Variants in ADGRV1 observed in about 807,000 individuals in gnomAD.
ADGRV1 encodes the protein adhesion G protein-coupled receptor V1.
A neutral mutation model predicts 596.2 loss-of-function variants in ADGRV1; 359 were observed. The ratio of observed to expected loss-of-function variants is 0.60; its 90% CI spans 0.55 to 0.66. The LOEUF (loss-of-function observed/expected upper bound fraction) is 0.66. Ranked by LOEUF, ADGRV1 falls within the 30% of genes least tolerant of loss-of-function variation. The pLI is 0.00. For synonymous variants in ADGRV1, 2,681 were observed against 2,679.2 expected (o/e 1.00, Z -0.02); for missense variants, 7,274 against 7,575.6 (o/e 0.96, Z 1.48).
At chr5:90,828,170 G>A (rs913153246) in intron 76 of ADGRV1, among the ~76,000 whole-genome samples, 2 of 152,092 alleles carry the variant, frequency 1.3e-5, no homozygotes, top group Admixed American at 6.6e-5. Context: ...GGTGAAACAT[G>A]AGCAAACTGT....
At chr5:90,646,460 C>T (rs1008050078) in intron 16 of ADGRV1, among the ~76,000 whole-genome samples, 2 of 151,456 alleles carry the variant, frequency 1.3e-5, no homozygotes, top group Non-Finnish European at 2.9e-5. Flanking sequence ...AATAAACAGT[C>T]TAGTTGGTTC....
chr5:90,953,187 A>G (rs1777191599), intron 83 of ADGRV1, among the ~76,000 whole-genome samples: 1 of 152,168 alleles, frequency 6.6e-6, no homozygotes, highest in Admixed American at 6.6e-5. Flanking sequence ...GCAGCAGAGA[A>G]TAGCAAAAAG....
Position 90,627,653 on chromosome 5 carries a change from T to C in ADGRV1, c.1115T>C (p.Val372Ala). 1 of 1,613,866 alleles carries C rather than the reference T, an allele frequency of 6.2e-7. No homozygotes were observed. Among genetic ancestry groups the C allele is most frequent in the South Asian group, 1.1e-5 (1 of 91,080 alleles). ...AAAGATACCTTACAGGGAGATGCTGTGCTAATAAGCCCTTCTGTTGTACAA... is the reference window on the plus strand; with the variant it reads ...AAAGATACCTTACAGGGAGATGCTGCGCTAATAAGCCCTTCTGTTGTACAA... ...LLKDTLQGDA[V>A]LISPSVVQVT... Residue 372 changes from valine (V) to alanine (A), a missense_variant, in exon 7 of 90, where the codon GTG becomes GCG. Physicochemically the swap from Val to Ala is moderately conservative, Grantham distance 64 (BLOSUM62 0). Transcript: ENST00000405460.
At chr5:90,862,239 CT>C (rs1335733524) in intron 82 of ADGRV1, among the ~76,000 whole-genome samples, 1 of 152,114 alleles carries the variant, frequency 6.6e-6, no homozygotes, top group African/African-American at 2.4e-5. Context: ...GCACTAATTC[CT>C]TGCCTCACAT....
At chr5:90,614,340 G>T (rs1379699038) in intron 1 of ADGRV1, 2 of 278,520 alleles carry the variant, frequency 7.2e-6, no homozygotes, top group East Asian at 1.1e-4. Flanking sequence ...CAATAACTAA[G>T]AATTTAAAAA....
intron 83 of ADGRV1, among the ~76,000 whole-genome samples, chr5:90,958,293 A>AG (rs1261587735): frequency 3.3e-5 from 5 of 150,096 alleles, no homozygotes; most frequent in South Asian, 2.1e-4. Flanking sequence ...CAAAAAAAAA[A>AG]AAAAAAAAAA....
rs373613781 is a variant in ADGRV1, at chr5:90,805,477, A to G, written c.14836+19A>G. ...ACACTGGGTGAGTTGTAGTTTTTCTAAGATGAGTCCTGTAGAATATTGGAA... is the reference window on the plus strand; with the variant it reads ...ACACTGGGTGAGTTGTAGTTTTTCTGAGATGAGTCCTGTAGAATATTGGAA... On this transcript the variant is annotated intron_variant, in intron 72 of 89. Transcript: ENST00000405460. The G allele has an allele frequency of 5.7e-5, 89 of 1,560,604 alleles. No individual in the cohort carries two copies. In the African/African-American group the frequency reaches 9.7e-4, roughly 17 times the overall value.
chr5:90,567,327 A>G (rs1471265573), intron 1 of ADGRV1, among the ~76,000 whole-genome samples: 1 of 152,082 alleles, frequency 6.6e-6, no homozygotes, highest in Non-Finnish European at 1.5e-5. Context: ...CTGGCCTTAT[A>G]AAATGGTTTG....
At chr5:90,638,032 T>A in intron 11 of ADGRV1, 84 bp downstream of exon 11, 1 of 999,010 alleles carries the variant, frequency 1.0e-6, no homozygotes, top group Non-Finnish European at 1.4e-6. Context: ...ACTCTTTTTT[T>A]TCTATATAAA....
At chr5:90,774,433 C>G (rs558360321) in intron 60 of ADGRV1, 130 bp downstream of exon 60, 1 of 597,858 alleles carries the variant, frequency 1.7e-6, no homozygotes, top group African/African-American at 1.9e-5. Flanking sequence ...ATACCATTTT[C>G]CACATGTATT....
intron 83 of ADGRV1, among the ~76,000 whole-genome samples, chr5:90,878,336 T>C (rs1769412596): frequency 6.6e-6 from 1 of 152,228 alleles, no homozygotes. Flanking sequence ...TAACGCACAC[T>C]GCCTAATCCT....
At chr5:90,972,100 AAAG>A (rs1562022999) in intron 84 of ADGRV1, among the ~76,000 whole-genome samples, 1 of 152,236 alleles carries the variant, frequency 6.6e-6, no homozygotes, top group Non-Finnish European at 1.5e-5. Context: ...CAAAAGAGAC[AAAG>A]AAGGCCATTA....
rs770615526 is a variant in ADGRV1 at position 90,763,358 on chromosome 5, G to A, written c.12174G>A (p.Leu4058=). The A allele has an allele frequency of 6.2e-7, 1 of 1,610,596 alleles. No individual in the cohort carries two copies. The highest frequency in any genetic ancestry group is 8.5e-7 in the Non-Finnish European group (1 of 1,178,378). Residue 4058 remains leucine, a synonymous_variant, in exon 59 of 90, where the codon TTG becomes TTA. Transcript: ENST00000405460. ...SSDDPDSYVT[L]TVVRSPGGKG... ...ATGACCCTGATTCATATGTGACATT[G>A]ACGGTTGTCCGGTCCCCAGGAGGAA...
At position 90,815,743 on chromosome 5, in the gene ADGRV1, G is replaced by A. The variant is rs1404889610; in HGVS notation, c.16196+7G>A. ...TCACAAGACAGCCAAACAGGTATGT[G>A]TATATATAGTATATGGAAGACGTAA... On this transcript the variant is annotated splice_region_variant and intron_variant, in intron 75 of 89. Transcript: ENST00000405460. 2 of 1,292,222 alleles carry A rather than the reference G, an allele frequency of 1.5e-6. No homozygotes were observed. The highest frequency in any genetic ancestry group is 2.0e-5 in the Admixed American group (1 of 50,988). 80.0% of individuals were successfully genotyped at this position (1,292,222 alleles called of 1,614,324 possible).
chr5:90,792,004 C>CGACA (rs1319402675), intron 70 of ADGRV1: 1 of 152,134 alleles, frequency 6.6e-6, no homozygotes, highest in East Asian at 1.9e-4. Flanking sequence ...TGGTACATGT[C>CGACA]ATATCATCCT....
chr5:90,873,037 CT>C (rs951221579), intron 83 of ADGRV1, among the ~76,000 whole-genome samples: 1 of 152,186 alleles, frequency 6.6e-6, no homozygotes, highest in African/African-American at 2.4e-5. Context: ...GTCTCCTGAG[CT>C]TTATCTGCTT....
intron 32 of ADGRV1, among the ~76,000 whole-genome samples, chr5:90,693,450 A>T (rs879260388): frequency 3.2e-4 from 48 of 152,082 alleles, no homozygotes; most frequent in Non-Finnish European, 6.2e-4. Context: ...TGTATTTTTT[A>T]AATTTTTTTT....
chr5:91,024,381 G>T (rs567850558), intron 85 of ADGRV1, among the ~76,000 whole-genome samples: 5 of 152,152 alleles, frequency 3.3e-5, no homozygotes, highest in Non-Finnish European at 7.4e-5. Context: ...AAACCCTAAA[G>T]TATTGCTCTA....
intron 9 of ADGRV1, among the ~76,000 whole-genome samples, chr5:90,632,955 C>T (rs1483289302): frequency 3.3e-5 from 5 of 152,098 alleles, no homozygotes. Context: ...AATGGATGAG[C>T]AACTCAAGAA....
Sources: gnomAD v4.1 joint callset for allele counts (sites outside exome capture counted in the v4.1 genomes callset) on GRCh38, gnomAD v4.1.1 for gene constraint, MANE v1.5 for transcripts, NCBI Gene and HGNC (gene_info 2026-07-23, HGNC 2026-07-21) for gene names.